Variants in HDGFL3 observed in about 807,000 individuals in gnomAD.
HDGFL3 encodes hepatoma-derived growth factor-related protein 3.
Under a neutral mutation model 27.6 loss-of-function variants are expected in HDGFL3, and 6 were observed. The observed-to-expected ratio is 0.22, with a 90% CI of 0.12 to 0.43. The LOEUF is 0.43. Ranked by LOEUF, HDGFL3 falls within the 20% of genes least tolerant of loss-of-function variation. The pLI, the probability that HDGFL3 is intolerant of heterozygous loss-of-function variation, is 1.00. For missense variants in HDGFL3, 207 were observed against 250.1 expected (o/e 0.83, Z 1.16); for synonymous variants, 88 against 88.9 (o/e 0.99, Z 0.05).
In HDGFL3 at chr15:83,157,585, T is replaced by C; in HGVS notation, c.301-12A>G. 3.1e-6 allele frequency: 5 copies of C among 1,604,362 alleles called. No individual in the cohort carries two copies. The highest frequency in any genetic ancestry group is 3.4e-6 in the Non-Finnish European group (4 of 1,175,318). On this transcript the variant is annotated splice_polypyrimidine_tract_variant and intron_variant, in intron 3 of 5. Transcript: ENST00000299633. ...TGTTGCTGAATTGCCTAAGAAATAA[T>C]AAAATATTAGCTGATTACATTTTTG...
intron 1 of HDGFL3, among the ~76,000 whole-genome samples, chr15:83,189,680 G>T (rs745868588): frequency 8.5e-5 from 13 of 152,148 alleles, no homozygotes; most frequent in Non-Finnish European, 1.8e-4. Flanking sequence ...GAAGACAGAA[G>T]ATGTGTCCTT....
chr15:83,195,335 T>G (rs11259969), intron 1 of HDGFL3, among the ~76,000 whole-genome samples: 38,233 of 152,006 alleles, frequency 0.25, 5,173 homozygotes, highest in African/African-American at 0.35. Flanking sequence ...CCAACAAAGG[T>G]TTTTTAATGT....
At position 83,130,243 on chromosome 15, in the gene HDGFL3, T is replaced by C. The variant is rs1235192075; in HGVS notation, c.*9027A>G. The C allele has an allele frequency of 2.0e-5, 3 of 152,244 alleles. No individual in the cohort carries two copies. Among genetic ancestry groups the C allele is most frequent in the Non-Finnish European group, 2.9e-5 (2 of 68,080 alleles). 9.4% of individuals were successfully genotyped at this position (152,244 alleles called of 1,614,324 possible). A position where few individuals can be genotyped will look rare whatever the true frequency, so the allele number is the denominator to read the frequency against. On this transcript the variant is annotated 3_prime_UTR_variant, in exon 6 of 6. Transcript: ENST00000299633. ...ACAGTCAGGAAGCTTAGGAAGGTCA[T>C]AGCTTAGAGGAAAATGGGTGTGGTA...
In HDGFL3 at chr15:83,191,340, C is replaced by A. The variant is rs1339900303; in HGVS notation, c.84+15991G>T. The stretch of plus-strand genomic sequence containing the variant: ...TAAAATCAGCAAGGACTAAAAGATA[C>A]CTAAGAATATACCTAAAATATATGT... On this transcript the variant is annotated intron_variant, in intron 1 of 5. Transcript: ENST00000299633. Among the ~76,000 whole-genome samples, 3 of 152,166 alleles carry A rather than the reference C, an allele frequency of 2.0e-5. No homozygotes were observed. In the East Asian group the frequency reaches 5.8e-4, roughly 29 times the overall value.
At chr15:83,159,514 G>A (rs1353979985) in intron 2 of HDGFL3, among the ~76,000 whole-genome samples, 2 of 152,092 alleles carry the variant, frequency 1.3e-5, no homozygotes, top group African/African-American at 2.4e-5. Context: ...TGGCAGGGGT[G>A]GGGGTTTGGA....
At chr15:83,206,509 T>C (rs905505409) in intron 1 of HDGFL3, among the ~76,000 whole-genome samples, 2 of 152,252 alleles carry the variant, frequency 1.3e-5, no homozygotes, top group South Asian at 2.1e-4. Context: ...GAATGCTATG[T>C]ATTACATGCA....
At chr15:83,140,382 A>AT (rs1567164366) in intron 5 of HDGFL3, among the ~76,000 whole-genome samples, 34 of 152,256 alleles carry the variant, frequency 2.2e-4, no homozygotes, top group Non-Finnish European at 2.9e-5. Flanking sequence ...AACACCAGTT[A>AT]TAAGATTATA....
chr15:83,189,173 T>C (rs2037480910), intron 1 of HDGFL3, among the ~76,000 whole-genome samples: 1 of 152,118 alleles, frequency 6.6e-6, no homozygotes, highest in East Asian at 1.9e-4. Flanking sequence ...ACTGGGCCCT[T>C]TGAATCTACC....
At chr15:83,118,137 G>C (rs908300904) in intron 3 of HDGFL3, among the ~76,000 whole-genome samples, 3 of 152,100 alleles carry the variant, frequency 2.0e-5, no homozygotes, top group Non-Finnish European at 2.9e-5. Context: ...AAAGGCGGGA[G>C]GATCGCTTGA....
chr15:83,162,298 G>A (rs556055735), intron 2 of HDGFL3, among the ~76,000 whole-genome samples: 2 of 152,202 alleles, frequency 1.3e-5, no homozygotes, highest in Non-Finnish European at 2.9e-5. Flanking sequence ...TAGTAACTAA[G>A]TTCAGTAGAA....
intron 3 of HDGFL3, among the ~76,000 whole-genome samples, chr15:83,122,346 G>A (rs1012199374): frequency 4.0e-5 from 6 of 151,680 alleles, no homozygotes; most frequent in Non-Finnish European, 8.8e-5. Flanking sequence ...AAATGTACTT[G>A]GAAATTACAA....
intron 1 of HDGFL3, among the ~76,000 whole-genome samples, chr15:83,180,158 G>A (rs767098766): frequency 1.3e-5 from 2 of 152,070 alleles, no homozygotes; most frequent in South Asian, 4.1e-4. Flanking sequence ...GATTGACTCC[G>A]GATCTGACGA....
intron 1 of HDGFL3, among the ~76,000 whole-genome samples, chr15:83,182,440 A>C (rs549024790): frequency 6.6e-6 from 1 of 152,334 alleles, no homozygotes; most frequent in South Asian, 2.1e-4. Flanking sequence ...GTCCTAATGA[A>C]AGTGGCCAAA....
chr15:83,174,949 T>C (rs1313837036), intron 1 of HDGFL3, among the ~76,000 whole-genome samples: 2 of 152,242 alleles, frequency 1.3e-5, no homozygotes, highest in African/African-American at 4.8e-5. Flanking sequence ...TTTAAACATT[T>C]GAATTAGTTA....
chr15:83,200,169 C>A (rs1005242516), intron 1 of HDGFL3, among the ~76,000 whole-genome samples: 8 of 151,472 alleles, frequency 5.3e-5, no homozygotes, highest in Non-Finnish European at 1.2e-4. Flanking sequence ...CAGTGAAACC[C>A]CATCTCTACT....
intron 5 of HDGFL3, among the ~76,000 whole-genome samples, chr15:83,142,053 C>T (rs947258841): frequency 7.9e-5 from 12 of 152,090 alleles, no homozygotes; most frequent in African/African-American, 1.2e-4. Flanking sequence ...GAAAAGGGAA[C>T]GCTTATATGC....
intron 1 of HDGFL3, among the ~76,000 whole-genome samples, chr15:83,203,794 T>C (rs904199388): frequency 6.8e-6 from 1 of 147,908 alleles, no homozygotes; most frequent in African/African-American, 2.7e-5. Context: ...TTTTAGTTTC[T>C]TTTTGTGTTT....
intron 5 of HDGFL3, among the ~76,000 whole-genome samples, chr15:83,141,863 A>C (rs556833529): frequency 6.6e-6 from 1 of 152,250 alleles, no homozygotes; most frequent in African/African-American, 2.4e-5. Context: ...CAGAAAACCT[A>C]TATTTTCTAA....
At position 83,168,568 on chromosome 15, in the gene HDGFL3, G is replaced by A. The variant is rs2037201229; in HGVS notation, c.85-4493C>T. Among the ~76,000 whole-genome samples the A allele has an allele frequency of 2.6e-5, 4 of 152,028 alleles. No individual in the cohort carries two copies. The South Asian group carries it at 8.3e-4, about 31-fold the overall frequency. ...ATCTAGAAGAAACACGTACATTCCTGGAAAGATTCAATCAGGAAGAAATTG... is the reference window on the plus strand; with the variant it reads ...ATCTAGAAGAAACACGTACATTCCTAGAAAGATTCAATCAGGAAGAAATTG... On this transcript the variant is annotated intron_variant, in intron 1 of 5. Coordinates refer to ENST00000299633, the MANE Select transcript of HDGFL3 (RefSeq NM_016073.4).
Sources: allele counts gnomAD v4.1 joint callset (sites outside exome capture counted in the v4.1 genomes callset), GRCh38; gene constraint gnomAD v4.1.1; transcripts MANE v1.5; gene names NCBI Gene and HGNC (gene_info 2026-07-23, HGNC 2026-07-21).